The following LRRC37A2 variants were observed in gnomAD, a reference collection of about 807,000 sequenced individuals.
The protein encoded by LRRC37A2 is leucine rich repeat containing 37 member A2.
LRRC37A2 carries 9 observed loss-of-function variants against 68.8 expected under a neutral mutation model. The observed-to-expected ratio is 0.13, with a 90% confidence interval of 0.08 to 0.23. The LOEUF is 0.23. Ranked by LOEUF, LRRC37A2 falls within the 10% of genes least tolerant of loss-of-function variation. LRRC37A2 has a pLI of 1.00. For synonymous variants in LRRC37A2, 63 were observed against 367.6 expected (o/e 0.17, Z 9.48); for missense variants, 168 against 950.4 (o/e 0.18, Z 10.82).
chr17:46,753,056 AC>A, the LRRC37A2 span, among the ~76,000 whole-genome samples: 1 of 152,250 alleles, frequency 6.6e-6, no homozygotes, highest in Non-Finnish European at 1.5e-5. Context: ...GGTGTGAGCC[AC>A]TGCGCCCGGC....
the LRRC37A2 span, chr17:46,964,903 G>A: frequency 1.3e-5 from 2 of 152,236 alleles, no homozygotes; most frequent in African/African-American, 4.8e-5. Context: ...CTGTGATTTG[G>A]CCTCTAACTG....
the LRRC37A2 span, among the ~76,000 whole-genome samples, chr17:46,779,053 TCACACACACACACACACACACA>T: frequency 2.0e-5 from 2 of 100,666 alleles, no homozygotes; most frequent in Middle Eastern, 6.9e-3. Flanking sequence ...CCCTACCCCA[TCACACACACACACACACACACA>T]CACACACACA....
chr17:46,978,309 A>G, the LRRC37A2 span: 1 of 342,576 alleles, frequency 2.9e-6, no homozygotes, highest in Non-Finnish European at 5.2e-6. Flanking sequence ...TACACACAAA[A>G]CTCCCACGCG....
At chr17:46,879,883 C>G in the LRRC37A2 span, among the ~76,000 whole-genome samples, 4 of 152,334 alleles carry the variant, frequency 2.6e-5, no homozygotes, top group East Asian at 1.9e-4. Flanking sequence ...CCTGAGAAGG[C>G]TGGAGAGACC....
At chr17:46,908,478 G>A in the LRRC37A2 span, among the ~76,000 whole-genome samples, 2 of 152,128 alleles carry the variant, frequency 1.3e-5, no homozygotes, top group Non-Finnish European at 2.9e-5. Context: ...CATCGGTCTG[G>A]CTTAGTTGAG....
the LRRC37A2 span, among the ~76,000 whole-genome samples, chr17:46,914,488 A>C: frequency 6.6e-6 from 1 of 151,790 alleles, no homozygotes; most frequent in African/African-American, 2.4e-5. Flanking sequence ...GTCTCTACTA[A>C]AAATACAAAA....
chr17:46,932,109 T>C, the LRRC37A2 span: 28 of 1,613,506 alleles, frequency 1.7e-5, no homozygotes, highest in African/African-American at 2.9e-4. Flanking sequence ...ACCTGCAGAC[T>C]GCGCTCAGAA....
chr17:47,039,903 C>T, the LRRC37A2 span, among the ~76,000 whole-genome samples: 1 of 151,220 alleles, frequency 6.6e-6, no homozygotes, highest in Non-Finnish European at 1.5e-5. Context: ...AATTAACCTT[C>T]AAGTTCCCCA....
the LRRC37A2 span, among the ~76,000 whole-genome samples, chr17:46,985,373 A>T: frequency 6.6e-6 from 1 of 152,114 alleles, no homozygotes; most frequent in South Asian, 2.1e-4. Context: ...TACAAAAATT[A>T]GCTGGGCGTG....
At chr17:46,851,161 C>T in the LRRC37A2 span, among the ~76,000 whole-genome samples, 1 of 151,968 alleles carries the variant, frequency 6.6e-6, no homozygotes, top group Admixed American at 6.6e-5. The surrounding 1 kb of genome is among the most constrained non-coding windows in gnomAD (Gnocchi z 4.3). Flanking sequence ...GGACAATGAC[C>T]CGGGTTTTCC....
chr17:46,818,649 G>C, the LRRC37A2 span: 1 of 1,486,822 alleles, frequency 6.7e-7, no homozygotes, highest in African/African-American at 1.4e-5. Flanking sequence ...GAGGGGGAGC[G>C]ACGCCCCCAA....
the LRRC37A2 span, among the ~76,000 whole-genome samples, chr17:47,011,400 T>G: frequency 1.3e-5 from 2 of 151,766 alleles, no homozygotes; most frequent in African/African-American, 4.8e-5. Flanking sequence ...AATACAAAAA[T>G]TAGCCAGGTG....
At chr17:46,818,600 G>A in the LRRC37A2 span, 2 of 1,595,270 alleles carry the variant, frequency 1.3e-6, no homozygotes, top group Admixed American at 1.7e-5. Flanking sequence ...GGCTCCATTA[G>A]AAGAGGCGCC....
the LRRC37A2 span, among the ~76,000 whole-genome samples, chr17:46,715,971 A>G: frequency 1.3e-5 from 2 of 152,230 alleles, no homozygotes; most frequent in African/African-American, 4.8e-5. Context: ...TAACAAATTT[A>G]TATTAGAATT....
chr17:46,877,451 G>A, the LRRC37A2 span, among the ~76,000 whole-genome samples: 10 of 152,248 alleles, frequency 6.6e-5, no homozygotes, highest in East Asian at 5.8e-4. Context: ...TCACCCAGCC[G>A]TGCTCAAAAC....
the LRRC37A2 span, among the ~76,000 whole-genome samples, chr17:46,972,038 G>A: frequency 6.6e-6 from 1 of 152,198 alleles, no homozygotes; most frequent in African/African-American, 2.4e-5. Flanking sequence ...ACCTTCCCAA[G>A]ACAGGGAACT....
chr17:46,868,317 C>A, the LRRC37A2 span, among the ~76,000 whole-genome samples: 22 of 152,312 alleles, frequency 1.4e-4, no homozygotes, highest in East Asian at 4.1e-3. Flanking sequence ...TTTGGCTGGG[C>A]GTGGTGGCTC....
the LRRC37A2 span, among the ~76,000 whole-genome samples, chr17:46,925,366 C>A: frequency 6.6e-6 from 1 of 152,248 alleles, no homozygotes; most frequent in Non-Finnish European, 1.5e-5. Context: ...TTATTGAGCA[C>A]CTACTATGTG....
the LRRC37A2 span, among the ~76,000 whole-genome samples, chr17:46,979,701 C>G: frequency 2.0e-5 from 3 of 152,094 alleles, no homozygotes; most frequent in Non-Finnish European, 4.4e-5. Flanking sequence ...GCTGTCGCGG[C>G]GAGGCGGGCT....
Sources: allele counts gnomAD v4.1 joint callset (sites outside exome capture counted in the v4.1 genomes callset), GRCh38; gene constraint gnomAD v4.1.1; non-coding constraint Gnocchi (gnomAD v3.1); transcripts MANE v1.5; gene names NCBI Gene and HGNC (gene_info 2026-07-23, HGNC 2026-07-21).